The following GFRAL variants were observed in gnomAD, a reference collection of about 807,000 sequenced individuals.
GFRAL encodes GDNF family receptor alpha like, also known as GDNF family receptor alpha-like.
In GFRAL, 36 loss-of-function variants were observed where a neutral mutation model predicts 45.4. That is an observed-to-expected ratio of 0.79 (90% CI 0.61 to 1.05). GFRAL has a LOEUF of 1.05. GFRAL is among the 50% of genes least tolerant of loss of function. The pLI is 0.00. For missense variants in GFRAL, 507 were observed against 467.5 expected, an observed-to-expected ratio of 1.08 and a Z score of -0.78; for synonymous variants, 166 against 154.1, an observed-to-expected ratio of 1.08 and a Z score of -0.57.
At chr6:55,392,946 T>C (rs1173565954) in intron 6 of GFRAL, among the ~76,000 whole-genome samples, 3 of 152,138 alleles carry the variant, frequency 2.0e-5, no homozygotes, top group Admixed American at 1.3e-4. Flanking sequence ...AAAATTTGCT[T>C]GGCTCCCAGA....
intron 3 of GFRAL, among the ~76,000 whole-genome samples, chr6:55,340,652 A>C (rs138353461): frequency 0.013 from 1,987 of 152,192 alleles, 23 homozygotes; most frequent in Non-Finnish European, 0.022. Flanking sequence ...GGTTCATCTC[A>C]CTGGGGCTTG....
chr6:55,383,990 TG>T (rs999819787), intron 6 of GFRAL, among the ~76,000 whole-genome samples: 6 of 152,028 alleles, frequency 3.9e-5, no homozygotes, highest in African/African-American at 1.4e-4. Context: ...CTAGTTCCTT[TG>T]AGATACCATC....
intron 6 of GFRAL, among the ~76,000 whole-genome samples, chr6:55,372,925 C>T (rs17683329): frequency 0.046 from 7,040 of 152,098 alleles, 241 homozygotes; most frequent in African/African-American, 0.081. Flanking sequence ...GCATCAGCCG[C>T]GAACTCAAAG....
chr6:55,382,288 T>C (rs1389198918), intron 6 of GFRAL, among the ~76,000 whole-genome samples: 1 of 151,922 alleles, frequency 6.6e-6, no homozygotes, highest in East Asian at 1.9e-4. Context: ...TTTTTATTAT[T>C]TGCATTGTTT....
At chr6:55,355,031 AAGT>A (rs1268033941) in intron 5 of GFRAL, among the ~76,000 whole-genome samples, 5 of 151,992 alleles carry the variant, frequency 3.3e-5, no homozygotes, top group Non-Finnish European at 7.4e-5. Flanking sequence ...TAACTTAAAA[AAGT>A]AATGACAAGG....
chr6:55,376,252 C>A (rs1639430107), intron 6 of GFRAL, among the ~76,000 whole-genome samples: 1 of 151,966 alleles, frequency 6.6e-6, no homozygotes, highest in African/African-American at 2.4e-5. Flanking sequence ...CTGCTGGATT[C>A]GGTTTGCCAA....
chr6:55,357,774 A>G (rs1461179134), intron 5 of GFRAL, among the ~76,000 whole-genome samples: 1 of 151,626 alleles, frequency 6.6e-6, no homozygotes, highest in Non-Finnish European at 1.5e-5. Flanking sequence ...GTTTTTCCTG[A>G]GTGAAAATTT....
intron 6 of GFRAL, among the ~76,000 whole-genome samples, chr6:55,386,442 T>C (rs551070128): frequency 8.5e-5 from 13 of 152,128 alleles, no homozygotes; most frequent in Non-Finnish European, 1.8e-4. Context: ...ATTGTAAAAG[T>C]GTGTGAGTTT....
chr6:55,397,471 T>C (rs939436595), intron 6 of GFRAL, among the ~76,000 whole-genome samples: 1 of 125,150 alleles, frequency 8.0e-6, no homozygotes, highest in Non-Finnish European at 1.6e-5. Context: ...TGAGCCGAGA[T>C]TGCGCCACTG....
At chr6:55,349,338 G>GA (rs1474982205) in intron 3 of GFRAL, among the ~76,000 whole-genome samples, 1 of 151,948 alleles carries the variant, frequency 6.6e-6, no homozygotes, top group Non-Finnish European at 1.5e-5. Flanking sequence ...AATATCCAAT[G>GA]AAAAAATAAT....
intron 6 of GFRAL, among the ~76,000 whole-genome samples, chr6:55,398,424 G>T (rs1478776338): frequency 6.6e-6 from 1 of 152,082 alleles, no homozygotes; most frequent in African/African-American, 2.4e-5. Flanking sequence ...TCATATTTGT[G>T]TACAATTACT....
intron 6 of GFRAL, among the ~76,000 whole-genome samples, chr6:55,390,985 C>T (rs1768746205): frequency 6.6e-6 from 1 of 151,358 alleles, no homozygotes; most frequent in Admixed American, 6.6e-5. Context: ...TATATTTTTA[C>T]AGCAAAATAG....
chr6:55,378,873 T>A (rs544660187), intron 6 of GFRAL, among the ~76,000 whole-genome samples: 1 of 152,154 alleles, frequency 6.6e-6, no homozygotes, highest in African/African-American at 2.4e-5. Context: ...TAGTCATCTG[T>A]GCATGGACAG....
rs1379076304 is a variant in GFRAL at position 55,402,221 on chromosome 6, C to A, written c.*368C>A. The A allele has an allele frequency of 6.2e-6, 1 of 162,212 alleles. No homozygotes were observed. The highest frequency in any genetic ancestry group is 1.3e-5 in the Non-Finnish European group (1 of 75,964). 10.0% of individuals were successfully genotyped at this position (162,212 alleles called of 1,614,324 possible). A position where few individuals can be genotyped will look rare whatever the true frequency, so the allele number is the denominator to read the frequency against. On this transcript the variant is annotated 3_prime_UTR_variant, in exon 9 of 9. Coordinates refer to ENST00000340465, the MANE Select transcript of GFRAL (RefSeq NM_207410.2). The stretch of plus-strand genomic sequence containing the variant: ...TCTCAAACTCCTGACCTCAGGTGAT[C>A]CACCCACCTCGGCCTCCCAAAGTGC...
At chr6:55,393,372 G>T (rs2127366193) in intron 6 of GFRAL, among the ~76,000 whole-genome samples, 1 of 152,220 alleles carries the variant, frequency 6.6e-6, no homozygotes, top group East Asian at 1.9e-4. Context: ...AAAGTATTCT[G>T]TAGAACCAGT....
intron 6 of GFRAL, among the ~76,000 whole-genome samples, chr6:55,360,302 T>C (rs1768256118): frequency 6.6e-6 from 1 of 152,008 alleles, no homozygotes; most frequent in Admixed American, 6.6e-5. Flanking sequence ...GCAGGTACTG[T>C]TTCTAGAAGG....
At chr6:55,357,296 T>A (rs574011742) in intron 5 of GFRAL, among the ~76,000 whole-genome samples, 4 of 151,984 alleles carry the variant, frequency 2.6e-5, no homozygotes, top group Non-Finnish European at 5.9e-5. Flanking sequence ...GATGTTGAAG[T>A]CTCTCTCTTT....
chr6:55,364,033 A>C (rs1418493483), intron 6 of GFRAL, among the ~76,000 whole-genome samples: 1 of 142,898 alleles, frequency 7.0e-6, no homozygotes, highest in Non-Finnish European at 1.5e-5. Flanking sequence ...ACAATGGTTG[A>C]ACTAGTTTAC....
chr6:55,376,159 T>C (rs1478498144), intron 6 of GFRAL, among the ~76,000 whole-genome samples: 2 of 152,190 alleles, frequency 1.3e-5, no homozygotes, highest in Non-Finnish European at 2.9e-5. Flanking sequence ...ATGAATCATA[T>C]TTATTGACTG....
Sources: gnomAD v4.1 joint callset for allele counts (sites outside exome capture counted in the v4.1 genomes callset) on GRCh38, gnomAD v4.1.1 for gene constraint, MANE v1.5 for transcripts, NCBI Gene and HGNC (gene_info 2026-07-23, HGNC 2026-07-21) for gene names.